CDH13: variants seen among roughly 807,000 people sequenced by gnomAD.
The protein encoded by CDH13 is cadherin 13.
Under a neutral mutation model 63.8 loss-of-function variants are expected in CDH13, and 24 were observed. The observed-to-expected ratio is 0.38, with a 90% CI of 0.27 to 0.53. The LOEUF is 0.53. Among genes scored for constraint, CDH13 ranks in the 20% least tolerant of loss-of-function variants. CDH13 has a pLI of 0.85. For missense variants in CDH13, 1,049 were observed against 903.1 expected (o/e 1.16, Z -2.07); for synonymous variants, 503 against 355.3 (o/e 1.42, Z -4.67).
At chr16:83,737,016 C>G (rs533345926) in intron 10 of CDH13, among the ~76,000 whole-genome samples, 41 of 152,094 alleles carry the variant, frequency 2.7e-4, no homozygotes, top group Non-Finnish European at 4.1e-4. Context: ...ACGTGGGGCT[C>G]ACACACAAAG....
chr16:82,867,769 T>C (rs1457006518), intron 2 of CDH13, among the ~76,000 whole-genome samples: 1 of 152,210 alleles, frequency 6.6e-6, no homozygotes. Flanking sequence ...GAATTTAATG[T>C]CACAACAAAG....
chr16:82,675,714 G>C (rs1250662043), intron 1 of CDH13, among the ~76,000 whole-genome samples: 2 of 152,144 alleles, frequency 1.3e-5, no homozygotes, highest in African/African-American at 4.8e-5. Flanking sequence ...TTCCCTTCCT[G>C]CCTTTCCTAC....
chr16:83,384,611 TGGTCACTCTGGCACTTGCATGTG>T (rs1476813959), intron 6 of CDH13, among the ~76,000 whole-genome samples: 19 of 152,176 alleles, frequency 1.2e-4, no homozygotes, highest in Non-Finnish European at 2.5e-4. Flanking sequence ...GAAGAGAGCC[TGGTCACTCTGGCACTTGCATGTG>T]GGTCAGCAGC....
At chr16:83,690,836 C>T (rs1293779639) in intron 10 of CDH13, among the ~76,000 whole-genome samples, 1 of 152,138 alleles carries the variant, frequency 6.6e-6, no homozygotes, top group Non-Finnish European at 1.5e-5. Context: ...ATTCTCGTGA[C>T]TCAGCCTCTG....
chr16:83,087,607 A>C (rs1170073440), intron 3 of CDH13, among the ~76,000 whole-genome samples: 27 of 143,460 alleles, frequency 1.9e-4, no homozygotes, highest in Non-Finnish European at 1.5e-5. Flanking sequence ...GCCGGAGGTC[A>C]CAGCGAGCCA....
At chr16:82,749,522 C>T (rs1258968059) in intron 1 of CDH13, among the ~76,000 whole-genome samples, 1 of 152,118 alleles carries the variant, frequency 6.6e-6, no homozygotes, top group Non-Finnish European at 1.5e-5. Flanking sequence ...TATTACCTAG[C>T]CTGTGCTACA....
At chr16:82,786,970 C>G (rs148574064) in intron 1 of CDH13, among the ~76,000 whole-genome samples, 2 of 152,126 alleles carry the variant, frequency 1.3e-5, no homozygotes, top group East Asian at 3.9e-4. Context: ...GCTTCAAACG[C>G]TTCTAAATTA....
intron 10 of CDH13, among the ~76,000 whole-genome samples, chr16:83,742,032 C>T (rs1359596710): frequency 6.6e-6 from 1 of 152,246 alleles, no homozygotes; most frequent in Non-Finnish European, 1.5e-5. Flanking sequence ...GACTGCTGCC[C>T]TACCTCACAG....
intron 1 of CDH13, among the ~76,000 whole-genome samples, chr16:82,728,068 T>C (rs962170026): frequency 3.9e-5 from 6 of 152,160 alleles, no homozygotes; most frequent in Non-Finnish European, 4.4e-5. Flanking sequence ...CTCTGGAAAA[T>C]GGCAGGGTAA....
chr16:83,116,076 C>G (rs1001944854), intron 3 of CDH13, among the ~76,000 whole-genome samples: 16 of 152,186 alleles, frequency 1.1e-4, no homozygotes, highest in African/African-American at 3.6e-4. Context: ...ATGCCCTTGG[C>G]TGGGTGTGAC....
chr16:83,611,665 A>C (rs901846742), intron 8 of CDH13, among the ~76,000 whole-genome samples: 2 of 151,942 alleles, frequency 1.3e-5, no homozygotes, highest in Admixed American at 6.6e-5. Flanking sequence ...AGACTATATA[A>C]ATTTTCCCTT....
At chr16:83,711,312 C>T (rs1182986542) in intron 10 of CDH13, among the ~76,000 whole-genome samples, 2 of 152,050 alleles carry the variant, frequency 1.3e-5, no homozygotes, top group African/African-American at 2.4e-5. Flanking sequence ...CAAACAATAG[C>T]GGGAAACAAA....
intron 3 of CDH13, among the ~76,000 whole-genome samples, chr16:83,079,855 A>G (rs1386553776): frequency 6.6e-6 from 1 of 152,242 alleles, no homozygotes; most frequent in Non-Finnish European, 1.5e-5. Flanking sequence ...TCTACCTTAT[A>G]TAAATTTCTC....
chr16:82,679,251 C>A (rs1004787371), intron 1 of CDH13, among the ~76,000 whole-genome samples: 1 of 152,144 alleles, frequency 6.6e-6, no homozygotes, highest in Non-Finnish European at 1.5e-5. Context: ...TAGCTGAGGC[C>A]AGGTGCTGTC....
At chr16:83,110,747 G>A (rs534628858) in intron 3 of CDH13, among the ~76,000 whole-genome samples, 2 of 152,030 alleles carry the variant, frequency 1.3e-5, no homozygotes, top group South Asian at 2.1e-4. Context: ...CCAGGGTCGG[G>A]CTTCTTTCTG....
chr16:83,073,323 G>GTC (rs2032580058), intron 3 of CDH13, among the ~76,000 whole-genome samples: 2 of 111,070 alleles, frequency 1.8e-5, no homozygotes, highest in Non-Finnish European at 3.6e-5. Context: ...GTGTGTGTCT[G>GTC]TGTGTGTGTG....
intron 13 of CDH13, among the ~76,000 whole-genome samples, chr16:83,794,468 G>A (rs117447039): frequency 0.025 from 3,773 of 152,280 alleles, 62 homozygotes; most frequent in Non-Finnish European, 0.041. Context: ...TGGGAGGATC[G>A]CTTGAGCCCA....
At chr16:83,125,845 C>T (rs2035787591) in intron 4 of CDH13, among the ~76,000 whole-genome samples, 1 of 152,144 alleles carries the variant, frequency 6.6e-6, no homozygotes, top group Non-Finnish European at 1.5e-5. Context: ...AGTATGTTGA[C>T]ATGTGGCCTT....
chr16:83,217,802 G>C (rs970145601), intron 5 of CDH13, among the ~76,000 whole-genome samples: 6 of 152,264 alleles, frequency 3.9e-5, no homozygotes, highest in African/African-American at 1.4e-4. Flanking sequence ...GCTTTCCAGA[G>C]ACCAGCTTGA....
Sources: gnomAD v4.1 joint callset for allele counts (sites outside exome capture counted in the v4.1 genomes callset) on GRCh38, gnomAD v4.1.1 for gene constraint, MANE v1.5 for transcripts, NCBI Gene and HGNC (gene_info 2026-07-23, HGNC 2026-07-21) for gene names.